Variants in AGBL4 observed in about 807,000 individuals in gnomAD.
AGBL4 encodes the protein cytosolic carboxypeptidase 6.
Under a neutral mutation model 66.4 loss-of-function variants are expected in AGBL4, and 58 were observed. That is an observed-to-expected ratio of 0.87 (90% CI 0.71 to 1.09). The LOEUF is 1.09. Among genes scored for constraint, AGBL4 ranks in the 50% least tolerant of loss-of-function variants. AGBL4 has a pLI of 0.00. For missense variants in AGBL4, 579 were observed against 631.0 expected (o/e 0.92, Z 0.88); for synonymous variants, 234 against 222.9 (o/e 1.05, Z -0.44).
intron 3 of AGBL4, among the ~76,000 whole-genome samples, chr1:49,335,335 C>T (rs1159807936): frequency 2.0e-5 from 3 of 152,082 alleles, no homozygotes; most frequent in Non-Finnish European, 2.9e-5. Context: ...TCCAAGCTAC[C>T]ATTTCTCATC....
At chr1:49,680,808 C>A (rs987794012) in intron 3 of AGBL4, among the ~76,000 whole-genome samples, 1 of 151,630 alleles carries the variant, frequency 6.6e-6, no homozygotes, top group African/African-American at 2.4e-5. Context: ...CAGCTCCAGT[C>A]TCTTTCTCCT....
chr1:49,830,992 G>A (rs567297444), intron 2 of AGBL4, among the ~76,000 whole-genome samples: 2 of 152,312 alleles, frequency 1.3e-5, no homozygotes, highest in East Asian at 1.9e-4. Flanking sequence ...CCAGTGCCAT[G>A]CTGTTTCGGT....
At chr1:49,067,365 C>T (rs1267336061) in intron 4 of AGBL4, among the ~76,000 whole-genome samples, 1 of 152,172 alleles carries the variant, frequency 6.6e-6, no homozygotes, top group African/African-American at 2.4e-5. Context: ...TCCCATTGCA[C>T]CTAAACAAAT....
At chr1:49,910,151 T>C (rs572693578) in intron 1 of AGBL4, among the ~76,000 whole-genome samples, 12 of 152,266 alleles carry the variant, frequency 7.9e-5, no homozygotes, top group African/African-American at 2.6e-4. Context: ...TCCTGAGGTA[T>C]TTCAAAGGTT....
At chr1:49,351,668 T>G (rs925675455) in intron 3 of AGBL4, among the ~76,000 whole-genome samples, 1 of 152,144 alleles carries the variant, frequency 6.6e-6, no homozygotes, top group Non-Finnish European at 1.5e-5. Flanking sequence ...TTATACAGAT[T>G]TTTTGTTACT....
intron 5 of AGBL4, among the ~76,000 whole-genome samples, chr1:48,943,372 C>T (rs1420029871): frequency 6.6e-6 from 1 of 152,184 alleles, no homozygotes; most frequent in Non-Finnish European, 1.5e-5. Context: ...CAGATGATGC[C>T]AATGAGACAC....
At chr1:49,636,698 C>T (rs1645679048) in intron 3 of AGBL4, among the ~76,000 whole-genome samples, 1 of 152,044 alleles carries the variant, frequency 6.6e-6, no homozygotes, top group African/African-American at 2.4e-5. Flanking sequence ...TATGCTGTTA[C>T]AAATCAGGAC....
chr1:49,514,873 T>C (rs1253955456), intron 3 of AGBL4, among the ~76,000 whole-genome samples: 4 of 152,050 alleles, frequency 2.6e-5, no homozygotes, highest in African/African-American at 7.2e-5. Context: ...TTACACCTTA[T>C]ACAAAAATTA....
At chr1:49,678,339 G>A (rs1646620959) in intron 3 of AGBL4, among the ~76,000 whole-genome samples, 1 of 151,854 alleles carries the variant, frequency 6.6e-6, no homozygotes, top group Non-Finnish European at 1.5e-5. Flanking sequence ...AATAATGTGT[G>A]TCTTTTTGTG....
rs1171374859 is a variant in AGBL4, at chr1:49,530,273, C to CAAAAAAA, written c.282+167033_282+167039dup. ...AGTAGAATTTGTAAAAAAAAAAAAA[C>CAAAAAAA]AAAAAAAAACTCTATGAGTTTTTTT... On this transcript the variant is annotated intron_variant, in intron 3 of 13. Coordinates refer to ENST00000371839, the MANE Select transcript of AGBL4 (RefSeq NM_032785.4). Among the ~76,000 whole-genome samples the CAAAAAAA allele has an allele frequency of 7.1e-4, 80 of 111,948 alleles. 6 individuals carry two copies. The highest frequency in any genetic ancestry group is 2.5e-3 in the African/African-American group (69 of 27,732). The allele number at this position is 111,948 out of a possible 152,430, so 73.4% of individuals were successfully genotyped here.
At chr1:48,814,428 A>G (rs1232541619) in intron 6 of AGBL4, among the ~76,000 whole-genome samples, 1 of 152,116 alleles carries the variant, frequency 6.6e-6, no homozygotes, top group African/African-American at 2.4e-5. Flanking sequence ...TAGCATATCC[A>G]TCATCTCACA....
At chr1:49,112,195 AT>A (rs1329936885) in intron 4 of AGBL4, among the ~76,000 whole-genome samples, 1 of 152,240 alleles carries the variant, frequency 6.6e-6, no homozygotes, top group Non-Finnish European at 1.5e-5. Context: ...TCAGTAGCTA[AT>A]AGTTGTAATT....
At chr1:48,668,208 G>T (rs1424878353) in intron 6 of AGBL4, among the ~76,000 whole-genome samples, 1 of 152,168 alleles carries the variant, frequency 6.6e-6, no homozygotes, top group African/African-American at 2.4e-5. Flanking sequence ...CATCGCTGTA[G>T]CAACAGCAGC....
chr1:48,723,179 C>T (rs901407920), intron 6 of AGBL4, among the ~76,000 whole-genome samples: 3 of 152,200 alleles, frequency 2.0e-5, no homozygotes, highest in Non-Finnish European at 2.9e-5. Flanking sequence ...TGACAGCCAC[C>T]TTCAACTCTA....
At chr1:49,406,951 GC>G (rs1262698239) in intron 3 of AGBL4, among the ~76,000 whole-genome samples, 1 of 151,098 alleles carries the variant, frequency 6.6e-6, no homozygotes, top group Non-Finnish European at 1.5e-5. Context: ...TGTAGTCCCA[GC>G]TACTCGGTAG....
downstream of AGBL4, among the ~76,000 whole-genome samples, chr1:48,530,146 G>T (rs1347863443): frequency 6.6e-6 from 1 of 152,152 alleles, no homozygotes; most frequent in African/African-American, 2.4e-5. Context: ...ACAAAGTAGT[G>T]GAAGGGGAGC....
At chr1:49,739,750 A>G (rs544653710) in intron 2 of AGBL4, among the ~76,000 whole-genome samples, 89 of 152,338 alleles carry the variant, frequency 5.8e-4, no homozygotes, top group Middle Eastern at 3.4e-3. Context: ...CCAATATTCA[A>G]CATTCTTAAA....
chr1:49,383,352 G>GA (rs929446929), intron 3 of AGBL4, among the ~76,000 whole-genome samples: 5 of 151,432 alleles, frequency 3.3e-5, no homozygotes, highest in African/African-American at 7.3e-5. Context: ...TAATCTTGAG[G>GA]AAAAAAAACA....
At chr1:48,596,769 C>G (rs1302865724) in intron 9 of AGBL4, among the ~76,000 whole-genome samples, 2 of 152,072 alleles carry the variant, frequency 1.3e-5, no homozygotes, top group African/African-American at 4.8e-5. Flanking sequence ...ATATATATTT[C>G]TGAAGTGGCA....
Sources: allele counts gnomAD v4.1 joint callset (sites outside exome capture counted in the v4.1 genomes callset), GRCh38; gene constraint gnomAD v4.1.1; transcripts MANE v1.5; gene names NCBI Gene and HGNC (gene_info 2026-07-23, HGNC 2026-07-21).